Variants in COL19A1 observed in about 807,000 individuals in gnomAD.
COL19A1 encodes collagen alpha-1(XIX) chain.
In COL19A1, 159 loss-of-function variants were observed where a neutral mutation model predicts 190.2. The ratio of observed to expected loss-of-function variants is 0.84; its 90% CI spans 0.73 to 0.95. COL19A1 has a LOEUF of 0.95. COL19A1 is among the 40% of genes least tolerant of loss of function. The pLI, the probability that COL19A1 is intolerant of heterozygous loss-of-function variation, is 0.00. For synonymous variants in COL19A1, 509 were observed against 458.9 expected (o/e 1.11, Z -1.39); for missense variants, 1,418 against 1,431.9 (o/e 0.99, Z 0.16).
chr6:70,065,667 A>C (rs1420755783), intron 14 of COL19A1, among the ~76,000 whole-genome samples: 1 of 152,222 alleles, frequency 6.6e-6, no homozygotes, highest in Non-Finnish European at 1.5e-5. Context: ...CAGAGTGAAC[A>C]GGCAACCTAC....
intron 42 of COL19A1, among the ~76,000 whole-genome samples, chr6:70,179,034 G>T (rs984077483): frequency 6.6e-6 from 1 of 151,868 alleles, no homozygotes. Flanking sequence ...CTCTATACCC[G>T]CCATGTCCCA....
At chr6:69,906,916 A>G (rs968210335) in intron 4 of COL19A1, among the ~76,000 whole-genome samples, 1 of 152,132 alleles carries the variant, frequency 6.6e-6, no homozygotes, top group Non-Finnish European at 1.5e-5. Context: ...GAAGATGTGT[A>G]ATGTTTTTCA....
chr6:70,177,151 T>G (rs930350630), intron 42 of COL19A1, among the ~76,000 whole-genome samples: 1 of 152,192 alleles, frequency 6.6e-6, no homozygotes, highest in Non-Finnish European at 1.5e-5. Context: ...ATTATTTCTC[T>G]GAGCCCTAGA....
intron 2 of COL19A1, among the ~76,000 whole-genome samples, chr6:69,892,432 A>T (rs1769415840): frequency 6.6e-6 from 1 of 152,198 alleles, no homozygotes; most frequent in East Asian, 1.9e-4. Context: ...TCCAGTCCTC[A>T]TTTTTATTAA....
At chr6:69,998,918 A>C (rs1363423541) in intron 11 of COL19A1, among the ~76,000 whole-genome samples, 2 of 151,890 alleles carry the variant, frequency 1.3e-5, no homozygotes, top group African/African-American at 2.4e-5. Context: ...CACTTCTAAA[A>C]TGTTAACATG....
In COL19A1 at chr6:70,189,471, G is replaced by A. The variant is rs545716110; in HGVS notation, c.3028-844G>A. 5.9e-5 allele frequency among the ~76,000 whole-genome samples: 9 copies of A among 152,078 alleles called. No individual in the cohort carries two copies. In the South Asian group the frequency reaches 8.3e-4, roughly 14 times the overall value. Reference sequence around the variant, plus strand: ...GGGGCTTATTGCCTTTGTCACAACCGCCAATCTTCATCATATTGTCTTTAA... The same window carrying A: ...GGGGCTTATTGCCTTTGTCACAACCACCAATCTTCATCATATTGTCTTTAA... On this transcript the variant is annotated intron_variant, in intron 47 of 50. Coordinates refer to ENST00000620364, the MANE Select transcript of COL19A1 (RefSeq NM_001858.6).
intron 1 of COL19A1, among the ~76,000 whole-genome samples, chr6:69,874,005 T>A (rs910238395): frequency 2.0e-5 from 3 of 152,212 alleles, no homozygotes; most frequent in African/African-American, 7.2e-5. Context: ...TCTGACAACA[T>A]TGGCTTGGTT....
chr6:70,146,523 C>G (rs764014702), intron 25 of COL19A1, 136 bp from the exon 26 acceptor site: 3 of 504,000 alleles, frequency 6.0e-6, no homozygotes, highest in Non-Finnish European at 9.9e-6. Flanking sequence ...ATTTTTACTC[C>G]CCGTTCCTTA....
chr6:69,938,026 A>AT lies in COL19A1; in HGVS notation c.874-7dup, dbSNP rs1156956092. The AT allele has an allele frequency of 1.9e-6, 3 of 1,612,248 alleles. No individual in the cohort carries two copies. Among genetic ancestry groups the AT allele is most frequent in the African/African-American group, 2.7e-5 (2 of 74,922 alleles). The stretch of plus-strand genomic sequence containing the variant: ...AGAATGTTTGCTAACACAGATATGC[A>AT]TTTTTGCTCAGGGAGAAGCAGGATT... On this transcript the variant is annotated splice_polypyrimidine_tract_variant and intron_variant, in intron 8 of 50. Coordinates refer to ENST00000620364, the MANE Select transcript of COL19A1 (RefSeq NM_001858.6).
chr6:70,000,969 C>T (rs1396780572), intron 11 of COL19A1, among the ~76,000 whole-genome samples: 2 of 152,060 alleles, frequency 1.3e-5, no homozygotes, highest in Non-Finnish European at 2.9e-5. Flanking sequence ...AGGGTACTGC[C>T]TAGGTTTTCT....
At chr6:70,161,552 T>C (rs146046132) in intron 34 of COL19A1, among the ~76,000 whole-genome samples, 3 of 152,224 alleles carry the variant, frequency 2.0e-5, no homozygotes, top group Non-Finnish European at 4.4e-5. Flanking sequence ...AGTGATATAA[T>C]GGACGTTGGA....
chr6:70,141,035 T>A, intron 20 of COL19A1, 46 bp downstream of exon 20: 1 of 1,529,272 alleles, frequency 6.5e-7, no homozygotes, highest in Non-Finnish European at 9.0e-7. Flanking sequence ...ACTTCATTGA[T>A]TTGTTTCTCT....
intron 31 of COL19A1, 138 bp downstream of exon 31, chr6:70,151,576 G>T: frequency 1.4e-6 from 1 of 723,710 alleles, no homozygotes. Flanking sequence ...TTTAAGATAG[G>T]AAAATAAACA....
intron 27 of COL19A1, 70 bp from the exon 28 acceptor site, chr6:70,149,634 T>C: frequency 6.3e-7 from 1 of 1,584,902 alleles, no homozygotes; most frequent in Admixed American, 1.7e-5. Flanking sequence ...TGCTTAGTCT[T>C]TTATGTCACT....
At position 70,188,007 on chromosome 6, in the gene COL19A1, A is replaced by T. The variant is rs1766632851; in HGVS notation, c.2857-68A>T. 1.2e-5 allele frequency: 19 copies of T among 1,572,352 alleles called. No individual in the cohort carries two copies. In the South Asian group the frequency reaches 2.2e-4, roughly 18 times the overall value. On this transcript the variant is annotated intron_variant, in intron 46 of 50. Transcript: ENST00000620364. ...CTAATAAGTGCCAGTATGAATCCAGAACTTTTGCTCTCAACTACAGCTGAT... is the reference window on the plus strand; with the variant it reads ...CTAATAAGTGCCAGTATGAATCCAGTACTTTTGCTCTCAACTACAGCTGAT...
At chr6:70,197,586 T>C (rs1226621371) in intron 48 of COL19A1, among the ~76,000 whole-genome samples, 1 of 152,194 alleles carries the variant, frequency 6.6e-6, no homozygotes, top group Non-Finnish European at 1.5e-5. Context: ...AGTATGATGA[T>C]TTGTAAAACT....
rs144462905 is a variant in COL19A1 at position 70,019,381 on chromosome 6, A to G, written c.1027-4246A>G. On this transcript the variant is annotated intron_variant, in intron 11 of 50. Coordinates refer to ENST00000620364, the MANE Select transcript of COL19A1 (RefSeq NM_001858.6). ...TGCTATTATCTATTGAAAGATTAGT[A>G]ATATTAATAACTACCTGCATTATGG... is the stretch of plus-strand genomic sequence containing the variant. 6.5e-4 allele frequency among the ~76,000 whole-genome samples: 99 copies of G among 152,298 alleles called. 1 individual carries two copies. The highest frequency in any genetic ancestry group is 2.3e-3 in the African/African-American group (96 of 41,572).
chr6:69,891,802 C>A (rs1413749902), intron 2 of COL19A1, among the ~76,000 whole-genome samples: 1 of 152,166 alleles, frequency 6.6e-6, no homozygotes, highest in Non-Finnish European at 1.5e-5. Context: ...AAACAGGAAG[C>A]TAGGGGTTGG....
chr6:70,097,489 T>C lies in COL19A1; in HGVS notation c.1225-4680T>C, dbSNP rs548599079. Among the ~76,000 whole-genome samples, 8 of 151,826 alleles carry C rather than the reference T, an allele frequency of 5.3e-5. No individual in the cohort carries two copies. In the South Asian group the frequency reaches 1.7e-3, roughly 32 times the overall value. ...TTCCACTTCTTGATCCTGAGGAGGA[T>C]TGTTTGAGACCAGCATGGATCCTGT... On this transcript the variant is annotated intron_variant, in intron 15 of 50. Transcript: ENST00000620364.
Sources: allele counts gnomAD v4.1 joint callset (sites outside exome capture counted in the v4.1 genomes callset), GRCh38; gene constraint gnomAD v4.1.1; transcripts MANE v1.5; gene names NCBI Gene and HGNC (gene_info 2026-07-23, HGNC 2026-07-21).